DDAH1: variants seen among roughly 807,000 people sequenced by gnomAD.
DDAH1 encodes the protein dimethylarginine dimethylaminohydrolase 1.
A neutral mutation model predicts 28.8 loss-of-function variants in DDAH1; 19 were observed. The ratio of observed to expected loss-of-function variants is 0.66; its 90% CI spans 0.46 to 0.97. The LOEUF (loss-of-function observed/expected upper bound fraction) is 0.97. Ranked by LOEUF, DDAH1 falls within the 50% of genes least tolerant of loss-of-function variation. The pLI is 0.00. For synonymous variants in DDAH1, 153 were observed against 154.4 expected, an observed-to-expected ratio of 0.99 and a Z score of 0.07; for missense variants, 326 against 375.9, an observed-to-expected ratio of 0.87 and a Z score of 1.10.
chr1:85,371,666 ATCAG>A (rs1459275182), intron 1 of DDAH1, among the ~76,000 whole-genome samples: 2 of 152,320 alleles, frequency 1.3e-5, no homozygotes, highest in Non-Finnish European at 2.9e-5. Context: ...CACATTTCAG[ATCAG>A]TCAGTCCAAA....
intron 1 of DDAH1, among the ~76,000 whole-genome samples, chr1:85,402,736 C>T (rs1472699930): frequency 6.6e-6 from 1 of 151,900 alleles, no homozygotes; most frequent in Non-Finnish European, 1.5e-5. Flanking sequence ...GGTGAAACCC[C>T]GTCTCTACTA....
intron 1 of DDAH1, among the ~76,000 whole-genome samples, chr1:85,460,295 T>G (rs1523991): frequency 0.36 from 55,415 of 151,980 alleles, 10,162 homozygotes; most frequent in Admixed American, 0.42. Context: ...AAGGGGAACA[T>G]CTATCCAAAT....
At chr1:85,502,886 C>G (rs918531924) in intron 1 of DDAH1, among the ~76,000 whole-genome samples, 1 of 152,152 alleles carries the variant, frequency 6.6e-6, no homozygotes, top group South Asian at 2.1e-4. Flanking sequence ...CCAGAACACT[C>G]GGGGCCTCTG....
intron 2 of DDAH1, among the ~76,000 whole-genome samples, chr1:85,487,829 A>T (rs148960139): frequency 4.7e-4 from 72 of 152,214 alleles, no homozygotes; most frequent in Middle Eastern, 3.4e-3. Context: ...TTTAACTCCC[A>T]TTGCAGTACA....
chr1:85,386,426 T>C (rs1455380399), intron 1 of DDAH1, among the ~76,000 whole-genome samples: 3 of 152,234 alleles, frequency 2.0e-5, no homozygotes, highest in African/African-American at 7.2e-5. Context: ...CAAAACTCAG[T>C]AGGGCAGACG....
chr1:85,368,320 AC>A (rs1650183404), intron 1 of DDAH1, among the ~76,000 whole-genome samples: 2 of 152,312 alleles, frequency 1.3e-5, no homozygotes, highest in South Asian at 4.1e-4. Flanking sequence ...TGGAAGGCAA[AC>A]CCACGGAGCC....
At chr1:85,550,534 C>T (rs964000698) in intron 1 of DDAH1, among the ~76,000 whole-genome samples, 3 of 152,152 alleles carry the variant, frequency 2.0e-5, no homozygotes, top group Non-Finnish European at 2.9e-5. Flanking sequence ...TGATGAATTG[C>T]CCATAATCGG....
Position 85,328,361 on chromosome 1 carries a change from C to T in DDAH1, c.598-3478G>A, listed in dbSNP as rs545519895. 1.7e-4 allele frequency among the ~76,000 whole-genome samples: 26 copies of T among 152,336 alleles called. No homozygotes were observed. The South Asian group carries it at 5.4e-3, about 32-fold the overall frequency. On this transcript the variant is annotated intron_variant, in intron 4 of 5. Coordinates refer to ENST00000284031, the MANE Select transcript of DDAH1 (RefSeq NM_012137.4). The stretch of plus-strand genomic sequence containing the variant: ...CCAATTTAGTAAAATAGTCCATAAA[C>T]CCAATGGGCAGATTGACTTCTTCAT...
chr1:85,442,289 T>C (rs1654234086), intron 1 of DDAH1, among the ~76,000 whole-genome samples: 1 of 152,212 alleles, frequency 6.6e-6, no homozygotes, highest in South Asian at 2.1e-4. Flanking sequence ...TTTGGTTTTC[T>C]GTCCTTGTGA....
intron 4 of DDAH1, among the ~76,000 whole-genome samples, chr1:85,325,795 C>G (rs1461585907): frequency 6.6e-6 from 1 of 152,130 alleles, no homozygotes; most frequent in African/African-American, 2.4e-5. Context: ...CCCCTAACAA[C>G]AAGAATATCC....
chr1:85,354,106 A>C (rs573625672), intron 2 of DDAH1, among the ~76,000 whole-genome samples: 1 of 152,206 alleles, frequency 6.6e-6, no homozygotes, highest in Admixed American at 6.5e-5. Context: ...TGGACATCTA[A>C]ATTTTTTTGA....
At chr1:85,487,982 G>A (rs756683819) in intron 2 of DDAH1, among the ~76,000 whole-genome samples, 3 of 151,962 alleles carry the variant, frequency 2.0e-5, no homozygotes, top group Non-Finnish European at 2.9e-5. Flanking sequence ...TCAGGAGTTC[G>A]AGACCAGCCT....
chr1:85,355,954 C>T (rs1372880606), intron 2 of DDAH1, among the ~76,000 whole-genome samples: 1 of 152,136 alleles, frequency 6.6e-6, no homozygotes, highest in Non-Finnish European at 1.5e-5. Flanking sequence ...AAACAACATA[C>T]ACTTTAGGAA....
intron 1 of DDAH1, among the ~76,000 whole-genome samples, chr1:85,507,323 T>G (rs1361668608): frequency 6.6e-6 from 1 of 151,972 alleles, no homozygotes; most frequent in African/African-American, 2.4e-5. Context: ...GGCAACATGG[T>G]GAAACCCTGT....
At chr1:85,442,198 G>T (rs1179938224) in intron 1 of DDAH1, among the ~76,000 whole-genome samples, 1 of 152,044 alleles carries the variant, frequency 6.6e-6, no homozygotes, top group Non-Finnish European at 1.5e-5. Context: ...CCCACGACAG[G>T]CCCCAGTGTG....
chr1:85,393,880 T>A (rs1221127844), intron 1 of DDAH1, among the ~76,000 whole-genome samples: 1 of 152,182 alleles, frequency 6.6e-6, no homozygotes, highest in South Asian at 2.1e-4. Context: ...AGGAGATTGA[T>A]AATCTAAAGA....
chr1:85,464,781 G>A lies in DDAH1; in HGVS notation c.265C>T (p.Leu89Phe), dbSNP rs1220790502. The A allele has an allele frequency of 1.2e-5, 19 of 1,577,454 alleles. No homozygotes were observed. The highest frequency in any genetic ancestry group is 1.6e-5 in the Non-Finnish European group (19 of 1,168,742). The part of the protein sequence containing the change: ...DVAVVCEETA[L>F]ITRPGAPSRR... ...CTCGGCGCCCCGGGTCGGGTGATGAGGGCCGTCTCCTCGCACACCACGGCC... is the reference window on the plus strand; with the variant it reads ...CTCGGCGCCCCGGGTCGGGTGATGAAGGCCGTCTCCTCGCACACCACGGCC... Residue 89 changes from leucine (L) to phenylalanine (F), a missense_variant, in exon 1 of 6, where the codon CTC becomes TTC. Physicochemically the swap from Leu to Phe is conservative, Grantham distance 22 (BLOSUM62 0). Transcript: ENST00000284031. This position sits in a 1 kb window ranked among gnomAD's most constrained non-coding sequence, Gnocchi z 4.4.
intron 1 of DDAH1, among the ~76,000 whole-genome samples, chr1:85,387,876 G>C (rs1651357744): frequency 1.3e-5 from 2 of 152,146 alleles, no homozygotes; most frequent in African/African-American, 4.8e-5. Context: ...TCTGACAAGG[G>C]CCTCAGGCTG....
At chr1:85,561,854 C>G (rs149432191) in intron 1 of DDAH1, among the ~76,000 whole-genome samples, 1 of 152,160 alleles carries the variant, frequency 6.6e-6, no homozygotes, top group African/African-American at 2.4e-5. Context: ...TAATTTTGAC[C>G]GTGCTTCTGC....
Sources: allele counts gnomAD v4.1 joint callset (sites outside exome capture counted in the v4.1 genomes callset), GRCh38; gene constraint gnomAD v4.1.1; non-coding constraint Gnocchi (gnomAD v3.1); transcripts MANE v1.5; gene names NCBI Gene and HGNC (gene_info 2026-07-23, HGNC 2026-07-21).